PCDH15: variants seen among roughly 807,000 people sequenced by gnomAD.
PCDH15 encodes protocadherin related 15, also known as protocadherin-15.
PCDH15 carries 129 observed loss-of-function variants against 178.5 expected under a neutral mutation model. The ratio of observed to expected loss-of-function variants is 0.72; its 90% confidence interval spans 0.63 to 0.84. The LOEUF (loss-of-function observed/expected upper bound fraction) is 0.84. Among genes scored for constraint, PCDH15 ranks in the 40% least tolerant of loss-of-function variants. The pLI, the probability that PCDH15 is intolerant of heterozygous loss-of-function variation, is 0.00. For missense variants in PCDH15, 2,230 were observed against 2,099.9 expected (o/e 1.06, Z -1.21); for synonymous variants, 800 against 732.0 (o/e 1.09, Z -1.50).
intron 12 of PCDH15, 121 bp downstream of exon 12, chr10:54,185,013 T>C (rs888046415): frequency 9.4e-6 from 11 of 1,165,470 alleles, no homozygotes; most frequent in Non-Finnish European, 1.2e-5. Context: ...TTGAAAATAA[T>C]GTATTTTTCC....
At chr10:53,972,930 C>T (rs541529681) in intron 21 of PCDH15, among the ~76,000 whole-genome samples, 3 of 152,104 alleles carry the variant, frequency 2.0e-5, no homozygotes, top group Non-Finnish European at 4.4e-5. Context: ...ACCCAGCCAT[C>T]GCATTACTGG....
chr10:55,427,186 C>G (rs1838778242), intron 2 of PCDH15, among the ~76,000 whole-genome samples: 1 of 152,106 alleles, frequency 6.6e-6, no homozygotes, highest in Admixed American at 6.6e-5. Flanking sequence ...AAGTTATAAT[C>G]CGTAGATGTG....
intron 3 of PCDH15, among the ~76,000 whole-genome samples, chr10:54,855,475 C>T (rs1042870270): frequency 1.3e-5 from 2 of 152,166 alleles, no homozygotes; most frequent in African/African-American, 4.8e-5. Context: ...AGATTATGGA[C>T]TTGTATGATT....
chr10:54,937,182 A>G (rs1295848335), intron 2 of PCDH15, among the ~76,000 whole-genome samples: 2 of 151,918 alleles, frequency 1.3e-5, no homozygotes, highest in Admixed American at 6.6e-5. Flanking sequence ...TGTCTATCCT[A>G]TGTCAAGATC....
intron 30 of PCDH15, 79 bp from the exon 31 acceptor site, chr10:53,828,652 T>C (rs2076846635): frequency 3.4e-6 from 4 of 1,171,634 alleles, no homozygotes; most frequent in Non-Finnish European, 5.1e-6. Context: ...ACATCTGATT[T>C]ATTCTAAATC....
intron 2 of PCDH15, among the ~76,000 whole-genome samples, chr10:55,143,834 G>A (rs1838419898): frequency 6.6e-6 from 1 of 151,888 alleles, no homozygotes; most frequent in Non-Finnish European, 1.5e-5. Context: ...ACTACTACAG[G>A]AGATAGTGAT....
At position 54,358,593 on chromosome 10, in the gene PCDH15, G is replaced by T. The variant is rs1236483310; in HGVS notation, c.474+10527C>A. 2.0e-5 allele frequency among the ~76,000 whole-genome samples: 3 copies of T among 151,112 alleles called. No homozygotes were observed. The East Asian group carries it at 5.8e-4, about 29-fold the overall frequency. On this transcript the variant is annotated intron_variant, in intron 5 of 37. Transcript: ENST00000644397. ...GTAAACTAGTTCAACCATTGTGGAA[G>T]TCAGTGTGGCGATTCCTCAGGGATC...
At chr10:55,059,988 A>AG (rs1841391091) in intron 2 of PCDH15, among the ~76,000 whole-genome samples, 1 of 18,096 alleles carries the variant, frequency 5.5e-5, no homozygotes, top group Admixed American at 7.9e-4. Flanking sequence ...ACAAAAAATT[A>AG]AAAAAAAAAA....
intron 13 of PCDH15, among the ~76,000 whole-genome samples, chr10:54,180,032 T>C (rs998882122): frequency 3.9e-5 from 6 of 152,212 alleles, no homozygotes; most frequent in Non-Finnish European, 8.8e-5. Flanking sequence ...TACGATTGCA[T>C]TGACATCTGA....
At chr10:54,486,499 A>G (rs1406119604) in intron 3 of PCDH15, among the ~76,000 whole-genome samples, 1 of 151,954 alleles carries the variant, frequency 6.6e-6, no homozygotes, top group Non-Finnish European at 1.5e-5. Context: ...TTAAACTTAG[A>G]TCTATTAATT....
At chr10:55,566,470 A>T (rs889410386) in intron 2 of PCDH15, among the ~76,000 whole-genome samples, 2 of 151,674 alleles carry the variant, frequency 1.3e-5, no homozygotes, top group Non-Finnish European at 3.0e-5. Flanking sequence ...AGAAAAAAAT[A>T]TGAAAGGAAA....
At position 54,119,517 on chromosome 10, in the gene PCDH15, A is replaced by G. The variant is rs572680982; in HGVS notation, c.1917+13358T>C. Among the ~76,000 whole-genome samples, 10 of 152,222 alleles carry G rather than the reference A, an allele frequency of 6.6e-5. No homozygotes were observed. In the South Asian group the frequency reaches 2.1e-3, roughly 32 times the overall value. On this transcript the variant is annotated intron_variant, in intron 15 of 37. Transcript: ENST00000644397. ...ATTATGTAAAACAATCAAACCTATT[A>G]ATTATTGGCATTTCTGAGAGAGAAA...
At chr10:54,251,414 G>A (rs983556210) in intron 8 of PCDH15, among the ~76,000 whole-genome samples, 1 of 151,914 alleles carries the variant, frequency 6.6e-6, no homozygotes, top group Non-Finnish European at 1.5e-5. Flanking sequence ...TACTTCTCCT[G>A]GTTTATTAAT....
intron 3 of PCDH15, among the ~76,000 whole-genome samples, chr10:54,508,452 C>T (rs1414258798): frequency 6.6e-6 from 1 of 152,012 alleles, no homozygotes; most frequent in Non-Finnish European, 1.5e-5. Flanking sequence ...AGTTAAAATA[C>T]CCTAAGCCTA....
intron 3 of PCDH15, among the ~76,000 whole-genome samples, chr10:54,482,940 C>A (rs940724381): frequency 3.6e-4 from 55 of 151,608 alleles, no homozygotes; most frequent in Admixed American, 2.4e-3. Context: ...TAGGCAGGTA[C>A]CAGAATCTAA....
intron 2 of PCDH15, among the ~76,000 whole-genome samples, chr10:55,400,824 A>G (rs953240503): frequency 6.6e-6 from 1 of 152,088 alleles, no homozygotes; most frequent in African/African-American, 2.4e-5. Flanking sequence ...TGCCCAGATG[A>G]ATCCTAAACT....
At chr10:54,989,192 T>C (rs749221336) in intron 2 of PCDH15, among the ~76,000 whole-genome samples, 1 of 152,210 alleles carries the variant, frequency 6.6e-6, no homozygotes, top group Non-Finnish European at 1.5e-5. Context: ...AACACCTGGA[T>C]GCCCAGGCAG....
At chr10:55,172,770 G>C (rs945717944) in intron 1 of PCDH15, among the ~76,000 whole-genome samples, 1 of 151,942 alleles carries the variant, frequency 6.6e-6, no homozygotes, top group Non-Finnish European at 1.5e-5. Context: ...CCAAAGGAGA[G>C]ATGGGGCCTA....
intron 2 of PCDH15, among the ~76,000 whole-genome samples, chr10:55,060,887 T>C (rs1291662831): frequency 2.0e-5 from 3 of 151,704 alleles, no homozygotes; most frequent in African/African-American, 7.3e-5. Context: ...CAAAAAAAAA[T>C]GGAATCTAGG....
Sources: gnomAD v4.1 joint callset for allele counts (sites outside exome capture counted in the v4.1 genomes callset) on GRCh38, gnomAD v4.1.1 for gene constraint, MANE v1.5 for transcripts, NCBI Gene and HGNC (gene_info 2026-07-23, HGNC 2026-07-21) for gene names.